The following ZNF83 variants were observed in gnomAD, a reference collection of about 807,000 sequenced individuals.
ZNF83 encodes zinc finger protein 816B.
For missense variants in ZNF83, 552 were observed against 629.9 expected, an observed-to-expected ratio of 0.88 and a Z score of 1.32; for synonymous variants, 209 against 213.0, an observed-to-expected ratio of 0.98 and a Z score of 0.17.
At chr19:52,619,826 G>C (rs565401342) in intron 2 of ZNF83, among the ~76,000 whole-genome samples, 1 of 152,108 alleles carries the variant, frequency 6.6e-6, no homozygotes, top group South Asian at 2.1e-4. Context: ...GGCAGAGGTT[G>C]CAGTAATCCA....
rs1395169547 is a variant in ZNF83 at position 52,683,226 on chromosome 19, CTCTGTGTGTGTGTGTGTGTGTGTGTGTG to C, written c.-283+7189_-283+7216del. ...CCTCAGCTCCTCAGCTGCCCTGTGA[CTCTGTGTGTGTGTGTGTGTGTGTGTGTG>C]TGTGTGTGTGTGTGTGTGTGTGTGT... is the stretch of plus-strand genomic sequence containing the variant. On this transcript the variant is annotated intron_variant, in intron 1 of 5. Transcript: ENST00000594682. Among the ~76,000 whole-genome samples, 12 of 135,652 alleles carry C rather than the reference CTCTGTGTGTGTGTGTGTGTGTGTGTGTG, an allele frequency of 8.8e-5. 1 individual carries two copies. Among genetic ancestry groups the C allele is most frequent in the African/African-American group, 1.4e-4 (5 of 36,772 alleles). 89.0% of individuals were successfully genotyped at this position (135,652 alleles called of 152,430 possible). A position where few individuals can be genotyped will look rare whatever the true frequency, so the allele number is the denominator to read the frequency against.
Position 52,689,992 on chromosome 19 carries a change from T to C in ZNF83, c.-283+451A>G, listed in dbSNP as rs544342937. On this transcript the variant is annotated intron_variant, in intron 1 of 5. Coordinates refer to the ZNF83 transcript ENST00000594682. ...GAGGGAGGTGGGGGGCGACGGCGCCTGAGGACAAGGGTGGGGTCTGCAGGA... is the reference window on the plus strand; with the variant it reads ...GAGGGAGGTGGGGGGCGACGGCGCCCGAGGACAAGGGTGGGGTCTGCAGGA... Among the ~76,000 whole-genome samples, 5 of 152,000 alleles carry C rather than the reference T, an allele frequency of 3.3e-5. No individual in the cohort carries two copies. The South Asian group carries it at 6.2e-4, about 19-fold the overall frequency.
chr19:52,637,381 C>A (rs1364545818), intron 1 of ZNF83, among the ~76,000 whole-genome samples: 1 of 152,124 alleles, frequency 6.6e-6, no homozygotes, highest in East Asian at 1.9e-4. Flanking sequence ...TCTGCTCTGT[C>A]TGCCCTGGCT....
chr19:52,618,502 T>G, intron 2 of ZNF83: 1 of 173,290 alleles, frequency 5.8e-6, no homozygotes, highest in Non-Finnish European at 1.2e-5. Context: ...GACCTTGTGA[T>G]CCGCCCTCAT....
At chr19:52,673,629 C>T (rs908925528) in intron 1 of ZNF83, among the ~76,000 whole-genome samples, 8 of 152,106 alleles carry the variant, frequency 5.3e-5, no homozygotes, top group African/African-American at 1.7e-4. Flanking sequence ...GAGCCAATAA[C>T]GATGCAAATA....
At chr19:52,613,176 G>A (rs775123212) in exon 3 of ZNF83, 3 of 1,613,934 alleles carry the variant, frequency 1.9e-6, no homozygotes, top group Non-Finnish European at 2.5e-6. Flanking sequence ...TAAAAGCTTT[G>A]CCACATTCAT....
intron 1 of ZNF83, among the ~76,000 whole-genome samples, chr19:52,679,376 C>T (rs7256024): frequency 0.029 from 4,419 of 152,162 alleles, 202 homozygotes; most frequent in African/African-American, 0.1. Context: ...TTTGGGAAGC[C>T]AAGGTGGGTG....
At chr19:52,619,611 G>A (rs898873830) in intron 2 of ZNF83, among the ~76,000 whole-genome samples, 2 of 149,644 alleles carry the variant, frequency 1.3e-5, no homozygotes, top group African/African-American at 4.9e-5. Context: ...GGGCAACAGA[G>A]TGAGACTCCA....
At chr19:52,645,326 G>T (rs59137264) in intron 3 of ZNF83, among the ~76,000 whole-genome samples, 2 of 151,978 alleles carry the variant, frequency 1.3e-5, no homozygotes, top group Non-Finnish European at 2.9e-5. Flanking sequence ...TGCACATCTC[G>T]ATTTGAACCA....
intron 1 of ZNF83, among the ~76,000 whole-genome samples, chr19:52,688,720 A>G (rs549142656): frequency 6.6e-6 from 1 of 152,202 alleles, no homozygotes; most frequent in South Asian, 2.1e-4. Flanking sequence ...CTCTATCTCT[A>G]TATGGACAGA....
chr19:52,672,313 A>C (rs2061737483), intron 1 of ZNF83, among the ~76,000 whole-genome samples: 1 of 152,254 alleles, frequency 6.6e-6, no homozygotes, highest in Admixed American at 6.5e-5. Context: ...TATATCTGTA[A>C]GTTAACATGT....
At chr19:52,658,431 T>G (rs2061535760) in intron 2 of ZNF83, among the ~76,000 whole-genome samples, 2 of 152,070 alleles carry the variant, frequency 1.3e-5, no homozygotes, top group Admixed American at 1.3e-4. Flanking sequence ...CCAGGTGTGG[T>G]GGTGCGCACC....
chr19:52,674,715 C>T (rs993630272), intron 1 of ZNF83, among the ~76,000 whole-genome samples: 6 of 152,080 alleles, frequency 3.9e-5, no homozygotes, highest in African/African-American at 7.2e-5. Flanking sequence ...CGTAAAAATG[C>T]GAGAAGTTTC....
chr19:52,632,822 T>A (rs894685432), intron 2 of ZNF83, among the ~76,000 whole-genome samples: 3 of 152,098 alleles, frequency 2.0e-5, no homozygotes, highest in African/African-American at 4.8e-5. Context: ...TTCTAAATGA[T>A]AAATGTTTCT....
intron 2 of ZNF83, chr19:52,618,652 C>T: frequency 6.6e-6 from 3 of 454,182 alleles, no homozygotes; most frequent in Admixed American, 4.1e-5. Context: ...AAGCTTTGGC[C>T]TCCCAAAGTG....
upstream of ZNF83, among the ~76,000 whole-genome samples, chr19:52,642,383 C>T (rs182990190): frequency 1.2e-3 from 183 of 149,358 alleles, no homozygotes; most frequent in African/African-American, 4.5e-3. Flanking sequence ...ATTCTCCTGC[C>T]TCAGCCTCTT....
chr19:52,658,061 T>C (rs1171866702), intron 2 of ZNF83, among the ~76,000 whole-genome samples: 1 of 146,474 alleles, frequency 6.8e-6, no homozygotes, highest in Non-Finnish European at 1.5e-5. Flanking sequence ...GCTTTAACCA[T>C]GAAAGCGGAG....
exon 3 of ZNF83, chr19:52,613,845 C>T (rs780256998): frequency 6.2e-7 from 1 of 1,614,070 alleles, no homozygotes; most frequent in Non-Finnish European, 8.5e-7. Flanking sequence ...GACTGAACAC[C>T]TTGCCACATT....
chr19:52,684,489 C>T (rs957020096), intron 1 of ZNF83, among the ~76,000 whole-genome samples: 46 of 148,296 alleles, frequency 3.1e-4, no homozygotes, highest in African/African-American at 1.1e-3. Flanking sequence ...ACAGAGATTG[C>T]AGTGAGCCAA....
Sources: gnomAD v4.1 joint callset for allele counts (sites outside exome capture counted in the v4.1 genomes callset) on GRCh38, gnomAD v4.1.1 for gene constraint, MANE v1.5 for transcripts, NCBI Gene and HGNC (gene_info 2026-07-23, HGNC 2026-07-21) for gene names.